The following CRIM1 variants were observed in gnomAD, a reference collection of about 807,000 sequenced individuals.
The protein encoded by CRIM1 is cysteine-rich motor neuron 1 protein.
Under a neutral mutation model 116.4 loss-of-function variants are expected in CRIM1, and 32 were observed. The ratio of observed to expected loss-of-function variants is 0.27; its 90% CI spans 0.21 to 0.37. The LOEUF (loss-of-function observed/expected upper bound fraction) is 0.37, where lower values mean the gene tolerates loss of function less well. CRIM1 is among the 10% of genes least tolerant of loss of function. The probability of loss-of-function intolerance (pLI) is 1.00; values close to 1 mark genes in which losing one functional copy is unlikely to be tolerated. For missense variants in CRIM1, 1,331 were observed against 1,354.8 expected, an observed-to-expected ratio of 0.98 and a Z score of 0.28; for synonymous variants, 590 against 509.2, an observed-to-expected ratio of 1.16 and a Z score of -2.13.
chr2:36,503,287 A>T (rs192475425), intron 8 of CRIM1, among the ~76,000 whole-genome samples: 12 of 152,270 alleles, frequency 7.9e-5, no homozygotes, highest in Admixed American at 2.0e-4. Context: ...GTCCACCACA[A>T]ATTATGCTGA....
At chr2:36,489,144 A>T (rs1680048171) in intron 7 of CRIM1, among the ~76,000 whole-genome samples, 1 of 152,124 alleles carries the variant, frequency 6.6e-6, no homozygotes, top group Admixed American at 6.5e-5. Flanking sequence ...GTGCTTCTTT[A>T]TGTATAATCA....
chr2:36,368,365 ATGTTTCAAGTACAAGCCAACTGC>A (rs746482620), intron 1 of CRIM1, among the ~76,000 whole-genome samples: 27 of 152,370 alleles, frequency 1.8e-4, no homozygotes, highest in Non-Finnish European at 3.1e-4. Flanking sequence ...TTCACTAAAT[ATGTTTCAAGTACAAGCCAACTGC>A]GAAGCTTGGA....
chr2:36,371,703 T>C (rs1005564338), intron 1 of CRIM1, among the ~76,000 whole-genome samples: 6 of 152,228 alleles, frequency 3.9e-5, no homozygotes, highest in African/African-American at 1.2e-4. Context: ...TGTGTGGACT[T>C]TTCTTCTTGT....
At position 36,396,667 on chromosome 2, in the gene CRIM1, C is replaced by G. The variant is rs1455321427; in HGVS notation, c.385C>G (p.Leu129Val). 3.7e-6 allele frequency: 6 copies of G among 1,612,912 alleles called. No individual in the cohort carries two copies. Among genetic ancestry groups the G allele is most frequent in the Admixed American group, 1.7e-5 (1 of 59,990 alleles). The change falls in exon 2 of 17, where the codon CTT becomes GTT. Residue 129 changes from leucine (L) to valine (V), a missense_variant. Coordinates refer to ENST00000280527, the MANE Select transcript of CRIM1 (RefSeq NM_016441.3). ...TGGTTTTAAACCATGCAATGAAAAC[C>G]TTATTGCTGGCTGCAATATAATCAA... Reference protein sequence around the residue: ...LLGFKPCNENLIAGCNIINGK... With the variant: ...LLGFKPCNENVIAGCNIINGK...
chr2:36,368,477 T>C (rs2148297044), intron 1 of CRIM1, among the ~76,000 whole-genome samples: 1 of 152,346 alleles, frequency 6.6e-6, no homozygotes, highest in South Asian at 2.1e-4. Flanking sequence ...AGTATGAACC[T>C]GCGGCTCTAA....
rs763530427 is a variant in CRIM1, at chr2:36,517,535, G to A, written c.2199G>A (p.Gln733=). The A allele has an allele frequency of 1.9e-6, 3 of 1,612,368 alleles. No homozygotes were observed. Among genetic ancestry groups the A allele is most frequent in the Admixed American group, 1.7e-5 (1 of 59,990 alleles). ...GCACCCAGGATTCCTGCTGCCCACA[G>A]TGTACAGGTAAGCGACACCATGCCT... ...PSRTQDSCCP[Q]CTDQPFRPSL... The change falls in exon 12 of 17, where the codon CAG becomes CAA. Residue 733 remains glutamine, a synonymous_variant. Transcript: ENST00000280527.
At chr2:36,424,501 C>G (rs1457193194) in intron 2 of CRIM1, among the ~76,000 whole-genome samples, 2 of 152,154 alleles carry the variant, frequency 1.3e-5, no homozygotes, top group Non-Finnish European at 2.9e-5. Context: ...ATGAAAAGCA[C>G]AGAGGCAGAT....
At chr2:36,542,494 C>T (rs540525765) in intron 14 of CRIM1, among the ~76,000 whole-genome samples, 16 of 152,320 alleles carry the variant, frequency 1.1e-4, no homozygotes, top group Admixed American at 8.5e-4. Flanking sequence ...TTACGTCTCT[C>T]CCTCTCACTC....
intron 1 of CRIM1, among the ~76,000 whole-genome samples, chr2:36,367,517 T>C (rs990823065): frequency 5.9e-5 from 9 of 152,240 alleles, no homozygotes; most frequent in African/African-American, 2.2e-4. Flanking sequence ...GGGAATTAAA[T>C]AGTTACCTAC....
At chr2:36,534,875 A>G (rs1276308557) in intron 13 of CRIM1, among the ~76,000 whole-genome samples, 2 of 152,224 alleles carry the variant, frequency 1.3e-5, no homozygotes, top group East Asian at 3.9e-4. Context: ...TGTTACTCAA[A>G]TTTTATTCAG....
Position 36,409,297 on chromosome 2 carries a change from CTA to C in CRIM1, c.505+12513_505+12514del, listed in dbSNP as rs1390914245. ...ATCTTTCTCTCGTTTCCACCAGTAA[CTA>C]TAATCTAGGAAAAATTTTAAATTTA... On this transcript the variant is annotated intron_variant, in intron 2 of 16. Transcript: ENST00000280527. 9.9e-5 allele frequency among the ~76,000 whole-genome samples: 15 copies of C among 152,280 alleles called. No individual in the cohort carries two copies. In the East Asian group the frequency reaches 2.9e-3, roughly 29 times the overall value.
Position 36,478,837 on chromosome 2 carries a change from A to AT in CRIM1, c.1175-660_1175-659insT, listed in dbSNP as rs544455750. 8.7e-5 allele frequency among the ~76,000 whole-genome samples: 11 copies of AT among 126,510 alleles called. No homozygotes were observed. The South Asian group carries it at 2.8e-3, about 32-fold the overall frequency. The allele number at this position is 126,510 out of a possible 152,430, so 83.0% of individuals were successfully genotyped here. On this transcript the variant is annotated intron_variant, in intron 6 of 16. Transcript: ENST00000280527. ...TATATACTTGTCAGTAACCTCAGAAACTTTTTTTTTTTTACAGTAGCTTTG... is the reference window on the plus strand; with the variant it reads ...TATATACTTGTCAGTAACCTCAGAAATCTTTTTTTTTTTTACAGTAGCTTTG...
intron 2 of CRIM1, among the ~76,000 whole-genome samples, chr2:36,439,254 G>C (rs560558296): frequency 6.6e-6 from 1 of 152,306 alleles, no homozygotes; most frequent in East Asian, 1.9e-4. Flanking sequence ...GTGGTAAACA[G>C]TGCTAGTATT....
At position 36,512,269 on chromosome 2, in the gene CRIM1, C is replaced by T. The variant is rs1323320993; in HGVS notation, c.1659-4C>T. The stretch of plus-strand genomic sequence containing the variant: ...TGACCTCTGACAAAATTTTAATTAC[C>T]CAGGAAGAATAAGCACGGCTGTGAC... On this transcript the variant is annotated splice_region_variant and splice_polypyrimidine_tract_variant and intron_variant, in intron 9 of 16. Transcript: ENST00000280527. The T allele has an allele frequency of 6.2e-7, 1 of 1,611,264 alleles. No individual in the cohort carries two copies. The highest frequency in any genetic ancestry group is 1.7e-5 in the Admixed American group (1 of 59,982).
intron 4 of CRIM1, among the ~76,000 whole-genome samples, chr2:36,455,774 T>C (rs529254540): frequency 1.3e-5 from 2 of 152,198 alleles, no homozygotes; most frequent in East Asian, 3.9e-4. Context: ...TAGAAACAAA[T>C]TCGAGTGGTG....
At chr2:36,508,834 A>G (rs1444002348) in intron 8 of CRIM1, among the ~76,000 whole-genome samples, 1 of 152,208 alleles carries the variant, frequency 6.6e-6, no homozygotes, top group Non-Finnish European at 1.5e-5. Context: ...CACCATTGCT[A>G]CTTTCCTTTT....
chr2:36,379,557 G>A (rs537531496), intron 1 of CRIM1, among the ~76,000 whole-genome samples: 3 of 152,098 alleles, frequency 2.0e-5, no homozygotes, highest in East Asian at 3.9e-4. Flanking sequence ...GCAGTCTTCC[G>A]AACAGAGCAC....
chr2:36,428,845 T>C (rs1572708262), intron 2 of CRIM1, among the ~76,000 whole-genome samples: 1 of 152,242 alleles, frequency 6.6e-6, no homozygotes, highest in Non-Finnish European at 1.5e-5. Flanking sequence ...TGTCCCCATA[T>C]ACATGTGTTC....
At chr2:36,391,216 G>A (rs59886115) in intron 1 of CRIM1, among the ~76,000 whole-genome samples, 17,551 of 137,688 alleles carry the variant, frequency 0.13, 2,532 homozygotes, top group African/African-American at 0.37. Context: ...TGCAAGCTCC[G>A]CCTCTGGGTT....
Sources: gnomAD v4.1 joint callset for allele counts (sites outside exome capture counted in the v4.1 genomes callset) on GRCh38, gnomAD v4.1.1 for gene constraint, MANE v1.5 for transcripts, NCBI Gene and HGNC (gene_info 2026-07-23, HGNC 2026-07-21) for gene names.